Variants in EPHA6 observed in about 807,000 individuals in gnomAD.
EPHA6 encodes ephrin type-A receptor 6.
In EPHA6, 50 loss-of-function variants were observed where a neutral mutation model predicts 112.0. The ratio of observed to expected loss-of-function variants is 0.45; its 90% CI spans 0.36 to 0.56. EPHA6 has a LOEUF of 0.56. Among genes scored for constraint, EPHA6 ranks in the 20% least tolerant of loss-of-function variants. EPHA6 has a pLI of 0.00. For missense variants in EPHA6, 1,280 were observed against 1,417.4 expected, an observed-to-expected ratio of 0.90 and a Z score of 1.56; for synonymous variants, 529 against 490.7, an observed-to-expected ratio of 1.08 and a Z score of -1.03.
chr3:97,318,792 C>T (rs1391308837), intron 5 of EPHA6, among the ~76,000 whole-genome samples: 1 of 151,628 alleles, frequency 6.6e-6, no homozygotes, highest in African/African-American at 2.4e-5. Flanking sequence ...TAAAGTTAAC[C>T]AGCAAAATTG....
chr3:97,628,669 G>A lies in EPHA6; in HGVS notation c.2575-9204G>A, dbSNP rs575422358. 4.6e-5 allele frequency among the ~76,000 whole-genome samples: 7 copies of A among 152,094 alleles called. No individual in the cohort carries two copies. In the East Asian group the frequency reaches 7.8e-4, roughly 17 times the overall value. Reference sequence around the variant, plus strand: ...ATTTGAAGAGTTTCCTTGAGCAAATGTGAAGCAAATATTAATTTAAAAATT... The same window carrying A: ...ATTTGAAGAGTTTCCTTGAGCAAATATGAAGCAAATATTAATTTAAAAATT... On this transcript the variant is annotated intron_variant, in intron 13 of 17. Transcript: ENST00000389672.
intron 3 of EPHA6, among the ~76,000 whole-genome samples, chr3:97,163,696 C>A (rs2076470510): frequency 6.6e-6 from 1 of 152,108 alleles, no homozygotes; most frequent in Non-Finnish European, 1.5e-5. Flanking sequence ...AAGGCTAATT[C>A]CCTGAGATGG....
chr3:97,689,548 A>G (rs887902741), intron 14 of EPHA6, among the ~76,000 whole-genome samples: 1 of 152,210 alleles, frequency 6.6e-6, no homozygotes, highest in African/African-American at 2.4e-5. Context: ...CACTCCCTGC[A>G]ATGGCTGAGT....
chr3:97,065,076 T>G (rs1395088891), intron 3 of EPHA6, among the ~76,000 whole-genome samples: 1 of 152,114 alleles, frequency 6.6e-6, no homozygotes, highest in Non-Finnish European at 1.5e-5. Context: ...AATTAATACC[T>G]TAAGCTGTGA....
At chr3:97,300,290 G>C (rs554588374) in intron 5 of EPHA6, among the ~76,000 whole-genome samples, 16 of 152,220 alleles carry the variant, frequency 1.1e-4, no homozygotes, top group Non-Finnish European at 1.9e-4. Context: ...CGTTTTATCT[G>C]TCTCAATTAA....
intron 3 of EPHA6, among the ~76,000 whole-genome samples, chr3:97,044,274 A>T (rs1290620679): frequency 6.6e-6 from 1 of 152,136 alleles, no homozygotes; most frequent in Non-Finnish European, 1.5e-5. Context: ...TTCACATTGG[A>T]TGTAATTATT....
chr3:97,505,192 G>T (rs1172698451), intron 10 of EPHA6, among the ~76,000 whole-genome samples: 1 of 151,848 alleles, frequency 6.6e-6, no homozygotes, highest in East Asian at 1.9e-4. Flanking sequence ...CATTTCTTTT[G>T]TTTTATTATT....
intron 3 of EPHA6, among the ~76,000 whole-genome samples, chr3:97,208,738 C>G (rs549151431): frequency 6.7e-6 from 1 of 149,870 alleles, no homozygotes; most frequent in East Asian, 2.0e-4. Context: ...CAGAGCAAGA[C>G]TCTGTCTCAA....
At chr3:97,719,216 T>G (rs2034400978) in intron 14 of EPHA6, among the ~76,000 whole-genome samples, 1 of 151,466 alleles carries the variant, frequency 6.6e-6, no homozygotes, top group African/African-American at 2.4e-5. Context: ...CCACCCCTAC[T>G]TGCACCAGGC....
chr3:97,600,298 A>C (rs1278500830), intron 12 of EPHA6, among the ~76,000 whole-genome samples: 5 of 149,646 alleles, frequency 3.3e-5, no homozygotes, highest in Admixed American at 6.7e-5. Flanking sequence ...AACTTCCAAC[A>C]CTATGTTGAA....
At chr3:97,286,405 A>AT (rs906488688) in intron 5 of EPHA6, among the ~76,000 whole-genome samples, 1 of 152,028 alleles carries the variant, frequency 6.6e-6, no homozygotes, top group Non-Finnish European at 1.5e-5. Flanking sequence ...TTTGGAGTTG[A>AT]TTTTTTTGTA....
At chr3:97,591,000 C>T (rs1224420694) in intron 11 of EPHA6, among the ~76,000 whole-genome samples, 2 of 152,194 alleles carry the variant, frequency 1.3e-5, no homozygotes, top group Non-Finnish European at 2.9e-5. Context: ...TGTTGCACTA[C>T]TCCTTGTAAG....
chr3:97,284,235 T>C lies in EPHA6; in HGVS notation c.1606+39948T>C, dbSNP rs191509139. Reference sequence around the variant, plus strand: ...CTTCTTTCTAAACTAGATATTTGATTCTTATTGTTTTACTAGCTTTTAAAT... The same window carrying C: ...CTTCTTTCTAAACTAGATATTTGATCCTTATTGTTTTACTAGCTTTTAAAT... On this transcript the variant is annotated intron_variant, in intron 5 of 17. Transcript: ENST00000389672. Among the ~76,000 whole-genome samples, 336 of 152,314 alleles carry C rather than the reference T, an allele frequency of 2.2e-3. 3 individuals carry two copies. Among genetic ancestry groups the C allele is most frequent in the African/African-American group, 7.8e-3 (325 of 41,582 alleles).
chr3:97,484,986 G>A (rs1319685019), intron 10 of EPHA6, among the ~76,000 whole-genome samples: 1 of 152,212 alleles, frequency 6.6e-6, no homozygotes, highest in East Asian at 1.9e-4. Context: ...GTTTGGAAAC[G>A]GAATTGCCGA....
chr3:97,721,291 C>T (rs1448796566), intron 15 of EPHA6, among the ~76,000 whole-genome samples: 1 of 152,214 alleles, frequency 6.6e-6, no homozygotes, highest in Non-Finnish European at 1.5e-5. Flanking sequence ...ACAACTTAAG[C>T]AACCCACACA....
chr3:96,917,934 A>G (rs79079977), intron 2 of EPHA6, among the ~76,000 whole-genome samples: 1,891 of 152,266 alleles, frequency 0.012, 36 homozygotes, highest in African/African-American at 0.041. Flanking sequence ...AGTGACAGAT[A>G]AGGAATTTGA....
At chr3:96,923,975 G>T (rs1241113655) in intron 2 of EPHA6, among the ~76,000 whole-genome samples, 1 of 151,786 alleles carries the variant, frequency 6.6e-6, no homozygotes, top group Non-Finnish European at 1.5e-5. Flanking sequence ...CTATTCTGTG[G>T]GTTCTTTACT....
intron 11 of EPHA6, among the ~76,000 whole-genome samples, chr3:97,547,289 G>A (rs188675152): frequency 6.6e-6 from 1 of 152,296 alleles, no homozygotes; most frequent in Admixed American, 6.5e-5. Context: ...TAACAGAGAG[G>A]ACCCTTAGAT....
At chr3:97,341,764 AGTT>A (rs1252904124) in intron 5 of EPHA6, among the ~76,000 whole-genome samples, 10 of 152,178 alleles carry the variant, frequency 6.6e-5, no homozygotes, top group African/African-American at 2.4e-4. Context: ...GTGATACAGT[AGTT>A]AAGGGAGGTA....
Sources: allele counts gnomAD v4.1 joint callset (sites outside exome capture counted in the v4.1 genomes callset), GRCh38; gene constraint gnomAD v4.1.1; transcripts MANE v1.5; gene names NCBI Gene and HGNC (gene_info 2026-07-23, HGNC 2026-07-21).